STK33: variants seen among roughly 807,000 people sequenced by gnomAD.
STK33 encodes the protein serine/threonine-protein kinase 33.
In STK33, 52 loss-of-function variants were observed where a neutral mutation model predicts 58.0. That is an observed-to-expected ratio of 0.90 (90% confidence interval 0.72 to 1.13). The LOEUF is 1.13. STK33 is among the 50% of genes most tolerant of loss of function. The pLI is 0.00. For missense variants in STK33, 630 were observed against 604.2 expected (o/e 1.04, Z -0.45); for synonymous variants, 215 against 200.1 (o/e 1.07, Z -0.63).
chr11:8,460,020 T>C (rs1351277651), intron 8 of STK33, among the ~76,000 whole-genome samples: 2 of 152,134 alleles, frequency 1.3e-5, no homozygotes, highest in Admixed American at 1.3e-4. Context: ...AGGAAAAAAT[T>C]AGTCCTAAAG....
the STK33 span, among the ~76,000 whole-genome samples, chr11:8,359,861 C>T: frequency 6.6e-6 from 1 of 152,152 alleles, no homozygotes; most frequent in Non-Finnish European, 1.5e-5. Context: ...AAGAGAAAGG[C>T]CATGGGGCTC....
chr11:8,439,885 A>ATATATATATATATATATATATATATATC (rs1311904285), intron 12 of STK33, among the ~76,000 whole-genome samples: 9 of 142,044 alleles, frequency 6.3e-5, no homozygotes, highest in African/African-American at 2.1e-4. Flanking sequence ...ATATATATAT[A>ATATATATATATATATATATATATATATC]TCAGAGGCTT....
intron 14 of STK33, among the ~76,000 whole-genome samples, chr11:8,421,419 A>G (rs944917869): frequency 6.6e-6 from 1 of 152,160 alleles, no homozygotes; most frequent in African/African-American, 2.4e-5. Flanking sequence ...CTCATCTTCC[A>G]TACGACGACT....
chr11:8,344,230 C>CACACA, the STK33 span, among the ~76,000 whole-genome samples: 1 of 147,498 alleles, frequency 6.8e-6, no homozygotes, highest in Admixed American at 6.7e-5. Flanking sequence ...CACACACACA[C>CACACA]CCCAGTTAGC....
chr11:8,542,879 A>T (rs2015629), intron 1 of STK33, among the ~76,000 whole-genome samples: 84,934 of 151,720 alleles, frequency 0.56, 24,068 homozygotes, highest in African/African-American at 0.65. Context: ...CCAGCTAATT[A>T]TTGTATTTTT....
intron 1 of STK33, among the ~76,000 whole-genome samples, chr11:8,498,153 A>AG (rs1218658599): frequency 6.6e-6 from 1 of 152,208 alleles, no homozygotes; most frequent in African/African-American, 2.4e-5. Flanking sequence ...TGATATATGC[A>AG]GAAAAAAAAC....
In STK33 at chr11:8,454,894, T is replaced by C. The variant is rs1946668382; in HGVS notation, c.698-62A>G. On this transcript the variant is annotated intron_variant, in intron 9 of 15. Transcript: ENST00000687296. The stretch of plus-strand genomic sequence containing the variant: ...ATAATGGAAAAATAGGAGAGACACA[T>C]ATAGATTAAATATATTTGACAAATT... 7 of 1,414,026 alleles carry C rather than the reference T, an allele frequency of 5.0e-6. No individual in the cohort carries two copies. The South Asian group carries it at 5.5e-5, about 11-fold the overall frequency. 87.6% of individuals were successfully genotyped at this position (1,414,026 alleles called of 1,614,324 possible).
intron 12 of STK33, among the ~76,000 whole-genome samples, chr11:8,439,313 TATA>T (rs1944429093): frequency 6.6e-6 from 1 of 152,042 alleles, no homozygotes; most frequent in Admixed American, 6.6e-5. Context: ...ATACAATATA[TATA>T]ATATTATAAT....
intron 4 of STK33, chr11:8,475,955 G>T (rs994976200): frequency 1.3e-5 from 2 of 152,118 alleles, no homozygotes; most frequent in African/African-American, 4.8e-5. Context: ...ACTAGAATAG[G>T]AAATTAAATA....
Position 8,495,679 on chromosome 11 carries a change from G to C in STK33, c.-465-15065C>G, listed in dbSNP as rs566718776. ...TTTATTGTGGCACTATTCACAATAGGAAAGACTTGGAACCAAGCCAAATGT... is the reference window on the plus strand; with the variant it reads ...TTTATTGTGGCACTATTCACAATAGCAAAGACTTGGAACCAAGCCAAATGT... On this transcript the variant is annotated intron_variant, in intron 1 of 15. Transcript: ENST00000687296. 7.3e-4 allele frequency among the ~76,000 whole-genome samples: 111 copies of C among 152,084 alleles called. 1 individual carries two copies. Among genetic ancestry groups the C allele is most frequent in the Non-Finnish European group, 1.3e-3 (91 of 68,026 alleles).
intron 1 of STK33, among the ~76,000 whole-genome samples, chr11:8,489,756 C>T (rs916146444): frequency 2.0e-5 from 3 of 152,244 alleles, no homozygotes; most frequent in Middle Eastern, 3.4e-3. Context: ...CTTAGTGATA[C>T]ATAAATTATT....
At chr11:8,583,480 G>C (rs1176828075) in intron 1 of STK33, among the ~76,000 whole-genome samples, 1 of 152,148 alleles carries the variant, frequency 6.6e-6, no homozygotes, top group African/African-American at 2.4e-5. Context: ...ATGTACTATG[G>C]AAATGACTAG....
At chr11:8,456,665 G>A (rs1437878308) in intron 9 of STK33, among the ~76,000 whole-genome samples, 6 of 152,158 alleles carry the variant, frequency 3.9e-5, no homozygotes, top group South Asian at 2.1e-4. Flanking sequence ...GGAAAAAAAC[G>A]GGGGGAGGAG....
chr11:8,409,734 A>G (rs1051716812), intron 15 of STK33, among the ~76,000 whole-genome samples: 2 of 152,166 alleles, frequency 1.3e-5, no homozygotes, highest in Non-Finnish European at 2.9e-5. Flanking sequence ...AATATATGCA[A>G]TTTTAGTAAT....
chr11:8,442,334 T>C (rs188173764), intron 11 of STK33, among the ~76,000 whole-genome samples: 184 of 152,340 alleles, frequency 1.2e-3, no homozygotes, highest in South Asian at 3.3e-3. Context: ...CACATGTCTA[T>C]GACAAGGGCA....
At chr11:8,427,183 T>C (rs1373635766) in intron 14 of STK33, among the ~76,000 whole-genome samples, 2 of 152,210 alleles carry the variant, frequency 1.3e-5, no homozygotes, top group Non-Finnish European at 2.9e-5. Context: ...TGAGCTCTTG[T>C]ATATTTGAAA....
chr11:8,477,329 A>G (rs1358943042), intron 2 of STK33, 46 bp from the exon 3 acceptor site: 5 of 152,162 alleles, frequency 3.3e-5, no homozygotes, highest in Admixed American at 1.3e-4. Flanking sequence ...AAAACCCATA[A>G]CCATCAATGA....
intron 15 of STK33, among the ~76,000 whole-genome samples, chr11:8,399,758 T>C (rs994691510): frequency 7.9e-5 from 12 of 152,038 alleles, no homozygotes; most frequent in Admixed American, 6.5e-4. Context: ...AAGAATCAAA[T>C]AGATGCAACA....
At chr11:8,407,055 G>A (rs570126968) in intron 15 of STK33, among the ~76,000 whole-genome samples, 6 of 151,424 alleles carry the variant, frequency 4.0e-5, no homozygotes, top group African/African-American at 1.5e-4. Context: ...ATTTTCTCAT[G>A]TTTGAGTGTT....
Sources: allele counts gnomAD v4.1 joint callset (sites outside exome capture counted in the v4.1 genomes callset), GRCh38; gene constraint gnomAD v4.1.1; transcripts MANE v1.5; gene names NCBI Gene and HGNC (gene_info 2026-07-23, HGNC 2026-07-21).